Variants in MYLK observed in about 807,000 individuals in gnomAD.
The protein encoded by MYLK is myosin light chain kinase.
In MYLK, 106 loss-of-function variants were observed where a neutral mutation model predicts 203.4. The observed-to-expected ratio is 0.52, with a 90% CI of 0.45 to 0.61. The LOEUF (loss-of-function observed/expected upper bound fraction) is 0.61, where lower values mean the gene tolerates loss of function less well. Among genes scored for constraint, MYLK ranks in the 20% least tolerant of loss-of-function variants. MYLK has a pLI of 0.00. For missense variants in MYLK, 2,072 were observed against 2,442.3 expected (o/e 0.85, Z 3.20); for synonymous variants, 867 against 959.5 (o/e 0.90, Z 1.78).
intron 19 of MYLK, chr3:123,692,227 T>C: frequency 1.2e-6 from 1 of 836,236 alleles, no homozygotes; most frequent in Non-Finnish European, 1.5e-6. Flanking sequence ...TACTACCATT[T>C]TGTTTTGGCA....
chr3:123,771,513 T>A (rs1187514278), intron 4 of MYLK, among the ~76,000 whole-genome samples: 6 of 152,230 alleles, frequency 3.9e-5, no homozygotes, highest in Non-Finnish European at 8.8e-5. Context: ...ATATAAATGT[T>A]TTGCTTCTGC....
chr3:123,792,992 G>A (rs981285940), intron 4 of MYLK, among the ~76,000 whole-genome samples: 3 of 152,046 alleles, frequency 2.0e-5, no homozygotes, highest in African/African-American at 4.8e-5. Context: ...GGTAAGGTCC[G>A]GCATCATGCA....
chr3:123,798,459 T>C (rs1420208733), intron 3 of MYLK, among the ~76,000 whole-genome samples: 1 of 152,062 alleles, frequency 6.6e-6, no homozygotes, highest in Non-Finnish European at 1.5e-5. Flanking sequence ...TCAGGGGAGC[T>C]GGAAGCTAGG....
chr3:123,657,262 GCA>G lies in MYLK; in HGVS notation c.4150_4151del (p.Cys1384ProfsTer13). 6.2e-7 allele frequency: 1 copy of G among 1,614,150 alleles called. No individual in the cohort carries two copies. ...CCTGGACGTTGAAAGAGGTGCTGCG[GCA>G]TGTGGCTAGTTCCTTCCACGTCTTG... ...ANKTWKELAT[C>X]RSTSFNVQDL... On this transcript the variant is annotated frameshift_variant, in exon 24 of 34. Transcript: ENST00000360304. LOFTEE classifies it high-confidence loss of function.
At chr3:123,621,925 A>G (rs2057885474) in intron 31 of MYLK, 1 of 152,290 alleles carries the variant, frequency 6.6e-6, no homozygotes. Flanking sequence ...GCGCAGAACC[A>G]CCGTGTGGCC....
chr3:123,817,406 A>G (rs2065784764), intron 3 of MYLK, among the ~76,000 whole-genome samples: 1 of 152,010 alleles, frequency 6.6e-6, no homozygotes, highest in Admixed American at 6.6e-5. Context: ...GTTTCTTACC[A>G]TCTCCCCAAA....
intron 13 of MYLK, chr3:123,716,429 C>G (rs1232977483): frequency 6.6e-6 from 1 of 152,140 alleles, no homozygotes; most frequent in Non-Finnish European, 1.5e-5. Context: ...GCCTCCCTTC[C>G]TCCCAGAACT....
At chr3:123,779,297 C>T (rs1202174269) in intron 4 of MYLK, among the ~76,000 whole-genome samples, 1 of 152,212 alleles carries the variant, frequency 6.6e-6, no homozygotes, top group Non-Finnish European at 1.5e-5. Context: ...ATGAGGCAGG[C>T]CCAGCATGAC....
intron 24 of MYLK, among the ~76,000 whole-genome samples, chr3:123,656,898 C>T (rs1265863725): frequency 2.0e-5 from 3 of 152,218 alleles, no homozygotes; most frequent in Non-Finnish European, 4.4e-5. Context: ...CTGGTGGCAG[C>T]ATGCCAAAAT....
At chr3:123,734,971 T>A in intron 9 of MYLK, 3 of 302,662 alleles carry the variant, frequency 9.9e-6, no homozygotes, top group East Asian at 7.7e-5. Flanking sequence ...GTTCGTGTGG[T>A]TTAAGCCCTC....
chr3:123,754,157 G>C (rs1217551199), intron 4 of MYLK, among the ~76,000 whole-genome samples: 1 of 152,192 alleles, frequency 6.6e-6, no homozygotes, highest in Non-Finnish European at 1.5e-5. Flanking sequence ...TCAGCCCCTA[G>C]CCCACCCTTA....
At chr3:123,827,361 T>C (rs1275745196) in intron 3 of MYLK, among the ~76,000 whole-genome samples, 5 of 151,870 alleles carry the variant, frequency 3.3e-5, no homozygotes. Context: ...TATAATCAAA[T>C]TGTCAAAAGT....
intron 2 of MYLK, among the ~76,000 whole-genome samples, chr3:123,832,258 G>A (rs1230282474): frequency 3.3e-5 from 5 of 152,126 alleles, no homozygotes; most frequent in Non-Finnish European, 5.9e-5. Flanking sequence ...CGGGACCCCC[G>A]ACTCAGCCTG....
At position 123,614,179 on chromosome 3, in the gene MYLK, C is replaced by T; in HGVS notation, c.5671G>A (p.Ala1891Thr). 1 of 1,614,134 alleles carries T rather than the reference C, an allele frequency of 6.2e-7. No individual in the cohort carries two copies. Among genetic ancestry groups the T allele is most frequent in the Non-Finnish European group, 8.5e-7 (1 of 1,180,026 alleles). The change falls in exon 34 of 34, where the codon GCC becomes ACC. Residue 1891 changes from alanine (A) to threonine (T), a missense_variant. Coordinates refer to ENST00000360304, the MANE Select transcript of MYLK (RefSeq NM_053025.4). The stretch of plus-strand genomic sequence containing the variant: ...ACAATGAGCTCTGCTGTGCAGGTGG[C>T]TTCTCCAAGACTGTTGACAGCCTTG... ...TCKAVNSLGE[A>T]TCTAELIVET...
intron 28 of MYLK, among the ~76,000 whole-genome samples, chr3:123,639,874 G>A (rs2058771339): frequency 6.6e-6 from 1 of 152,154 alleles, no homozygotes; most frequent in Admixed American, 6.5e-5. Flanking sequence ...AAGTGCTCTA[G>A]AAACTGTACA....
At chr3:123,643,760 A>G (rs1365070511) in intron 27 of MYLK, among the ~76,000 whole-genome samples, 1 of 152,288 alleles carries the variant, frequency 6.6e-6, no homozygotes, top group African/African-American at 2.4e-5. Flanking sequence ...GACCTTGGCT[A>G]GCTCTCATAG....
At chr3:123,724,723 C>T (rs530556431) in intron 12 of MYLK, among the ~76,000 whole-genome samples, 4 of 125,836 alleles carry the variant, frequency 3.2e-5, no homozygotes, top group African/African-American at 8.9e-5. Context: ...GACCACTGCT[C>T]GCTCGCTTGC....
intron 3 of MYLK, among the ~76,000 whole-genome samples, chr3:123,819,431 G>T (rs2065848960): frequency 6.6e-6 from 1 of 152,178 alleles, no homozygotes; most frequent in African/African-American, 2.4e-5. Context: ...ATGATGTTCT[G>T]ATTACTGTTA....
At position 123,664,222 on chromosome 3, in the gene MYLK, C is replaced by G; in HGVS notation, c.3868G>C (p.Glu1290Gln). ...ESEHMKVENS[E>Q]NGSKLTILAA... is the part of the protein sequence containing the mutation. ...AGGATGGTGAGCTTGCTGCCATTCTCGCTGTTCTCCACCTTCATGTGCTCG... is the reference window on the plus strand; with the variant it reads ...AGGATGGTGAGCTTGCTGCCATTCTGGCTGTTCTCCACCTTCATGTGCTCG... Residue 1290 changes from glutamate (E) to glutamine (Q), a missense_variant, in exon 23 of 34, where the codon GAG becomes CAG. Glu to Gln is a conservative substitution (Grantham distance 29). This residue lies in a region of MYLK where 865 missense variants were observed against 1,016.0 expected (regional missense o/e 0.85). Coordinates refer to ENST00000360304, the MANE Select transcript of MYLK (RefSeq NM_053025.4). 1 of 1,614,162 alleles carries G rather than the reference C, an allele frequency of 6.2e-7. No individual in the cohort carries two copies. The highest frequency in any genetic ancestry group is 8.5e-7 in the Non-Finnish European group (1 of 1,180,032).
Sources: gnomAD v4.1 joint callset for allele counts (sites outside exome capture counted in the v4.1 genomes callset) on GRCh38, gnomAD v4.1.1 for gene constraint, gnomAD v4.1.1 regional missense constraint, MANE v1.5 for transcripts, NCBI Gene and HGNC (gene_info 2026-07-23, HGNC 2026-07-21) for gene names.